Variants in GRIK4 observed in about 807,000 individuals in gnomAD.
GRIK4 encodes glutamate ionotropic receptor kainate type subunit 4.
GRIK4 carries 40 observed loss-of-function variants against 104.9 expected under a neutral mutation model. That is an observed-to-expected ratio of 0.38 (90% CI 0.30 to 0.50). The LOEUF is 0.50. Among genes scored for constraint, GRIK4 ranks in the 20% least tolerant of loss-of-function variants. GRIK4 has a pLI of 0.93. For synonymous variants in GRIK4, 485 were observed against 524.9 expected (o/e 0.92, Z 1.04); for missense variants, 1,047 against 1,308.1 (o/e 0.80, Z 3.08).
Position 120,642,056 on chromosome 11 carries a change from C to T in GRIK4, c.-158-11629C>T, listed in dbSNP as rs541464487. Among the ~76,000 whole-genome samples, 3 of 152,322 alleles carry T rather than the reference C, an allele frequency of 2.0e-5. No individual in the cohort carries two copies. In the South Asian group the frequency reaches 6.2e-4, roughly 32 times the overall value. On this transcript the variant is annotated intron_variant, in intron 1 of 20. Transcript: ENST00000527524. ...ACATCCTCTGTGATCACACTGTCCA[C>T]TTTGTATTGGGATTTGATGGCTACC...
chr11:120,525,589 C>G (rs1041350964), intron 1 of GRIK4, among the ~76,000 whole-genome samples: 2 of 152,202 alleles, frequency 1.3e-5, no homozygotes, highest in Non-Finnish European at 2.9e-5. Flanking sequence ...AGCAGGCAGT[C>G]AACACACACT....
intron 1 of GRIK4, among the ~76,000 whole-genome samples, chr11:120,552,679 G>A (rs117150533): frequency 2.0e-5 from 3 of 152,218 alleles, no homozygotes; most frequent in East Asian, 3.9e-4. Context: ...GGTTTAGCTC[G>A]ACTTGGGATT....
chr11:120,596,839 C>G (rs1013837280), intron 1 of GRIK4, among the ~76,000 whole-genome samples: 12 of 152,090 alleles, frequency 7.9e-5, no homozygotes, highest in African/African-American at 2.7e-4. Context: ...ATTCTCCTGC[C>G]TCAGCCTGCC....
intron 3 of GRIK4, among the ~76,000 whole-genome samples, chr11:120,756,268 C>T (rs1227203950): frequency 6.6e-6 from 1 of 152,188 alleles, no homozygotes; most frequent in East Asian, 1.9e-4. Context: ...ATGCTCCTCC[C>T]CCTCCAGCAA....
intron 4 of GRIK4, among the ~76,000 whole-genome samples, chr11:120,811,665 C>G (rs1435344877): frequency 6.6e-6 from 1 of 152,190 alleles, no homozygotes; most frequent in East Asian, 1.9e-4. Context: ...TTAGTTGTAG[C>G]CTTCATATAG....
At chr11:120,622,089 C>T (rs533245143) in intron 1 of GRIK4, among the ~76,000 whole-genome samples, 90 of 152,142 alleles carry the variant, frequency 5.9e-4, no homozygotes, top group Non-Finnish European at 9.3e-4. Context: ...TTAGTAGAGA[C>T]GGAGTTTTGC....
rs371619889 is a variant in GRIK4, at chr11:120,669,873, T to C, written c.82+9473T>C. On this transcript the variant is annotated intron_variant, in intron 3 of 20. Transcript: ENST00000527524. Reference sequence around the variant, plus strand: ...AAGCATCAATATGCTTATGACTCTCTAATCTCATCTGTAGCTCTGACCCCT... The same window carrying C: ...AAGCATCAATATGCTTATGACTCTCCAATCTCATCTGTAGCTCTGACCCCT... Among the ~76,000 whole-genome samples, 202 of 152,368 alleles carry C rather than the reference T, an allele frequency of 1.3e-3. 1 individual carries two copies. The highest frequency in any genetic ancestry group is 4.7e-3 in the African/African-American group (196 of 41,590).
intron 1 of GRIK4, among the ~76,000 whole-genome samples, chr11:120,585,431 C>T (rs1477897906): frequency 6.6e-6 from 1 of 151,740 alleles, no homozygotes; most frequent in Non-Finnish European, 1.5e-5. Flanking sequence ...CTCACTGCAA[C>T]CTCTGCCTCC....
chr11:120,628,804 T>C (rs984431312), intron 1 of GRIK4, among the ~76,000 whole-genome samples: 1 of 152,224 alleles, frequency 6.6e-6, no homozygotes, highest in Admixed American at 6.5e-5. Context: ...TTCTCTGTTT[T>C]TTCTTATACC....
In GRIK4 at chr11:120,750,452, C is replaced by T. The variant is rs147074017; in HGVS notation, c.83-52241C>T. On this transcript the variant is annotated intron_variant, in intron 3 of 20. Coordinates refer to ENST00000527524, the MANE Select transcript of GRIK4 (RefSeq NM_014619.5). ...TGTGATCTGAGGTCACTGCAGCCTCCGCCTCCCGGATTCAAGTGATTCTCC... is the reference window on the plus strand; with the variant it reads ...TGTGATCTGAGGTCACTGCAGCCTCTGCCTCCCGGATTCAAGTGATTCTCC... Among the ~76,000 whole-genome samples, 913 of 150,680 alleles carry T rather than the reference C, an allele frequency of 6.1e-3. 14 individuals carry two copies. The highest frequency in any genetic ancestry group is 0.021 in the African/African-American group (864 of 40,986).
At position 120,987,883 on chromosome 11, in the gene GRIK4, T is replaced by C. The variant is rs546141647; in HGVS notation, c.*1623T>C. On this transcript the variant is annotated 3_prime_UTR_variant, in exon 21 of 21. Coordinates refer to ENST00000527524, the MANE Select transcript of GRIK4 (RefSeq NM_014619.5). ...TTCTATGCAATTTCTGATTGTAAAC[T>C]TAGAAAATTCAGAGAGAAACAAACA... 8.1e-6 allele frequency: 1 copy of C among 123,396 alleles called. No individual in the cohort carries two copies. Among genetic ancestry groups the C allele is most frequent in the Admixed American group, 9.2e-5 (1 of 10,920 alleles). The allele number at this position is 123,396 out of a possible 1,614,324, so 7.6% of individuals were successfully genotyped here.
chr11:120,717,582 C>G (rs746896841), intron 3 of GRIK4, among the ~76,000 whole-genome samples: 24 of 151,994 alleles, frequency 1.6e-4, no homozygotes, highest in Non-Finnish European at 3.1e-4. Context: ...GATGGGAGAA[C>G]TTGATTTGTG....
At chr11:120,725,459 G>A (rs1235600497) in intron 3 of GRIK4, among the ~76,000 whole-genome samples, 1 of 152,118 alleles carries the variant, frequency 6.6e-6, no homozygotes, top group Admixed American at 6.5e-5. Context: ...CCAAGGAGAT[G>A]GTAGATCAGT....
chr11:120,575,105 C>T (rs1340513905), intron 1 of GRIK4, among the ~76,000 whole-genome samples: 1 of 152,188 alleles, frequency 6.6e-6, no homozygotes, highest in Admixed American at 6.5e-5. Flanking sequence ...CTTCTCAGCT[C>T]CAGAGGACCC....
At chr11:120,780,240 G>C (rs1382968209) in intron 3 of GRIK4, among the ~76,000 whole-genome samples, 2 of 152,190 alleles carry the variant, frequency 1.3e-5, no homozygotes, top group Non-Finnish European at 2.9e-5. Context: ...TCACATTGCT[G>C]TACAACCATC....
intron 7 of GRIK4, among the ~76,000 whole-genome samples, chr11:120,835,657 A>G (rs1953556942): frequency 6.6e-6 from 1 of 152,210 alleles, no homozygotes; most frequent in African/African-American, 2.4e-5. Flanking sequence ...CTCAATAGTC[A>G]TGACAAAACG....
At chr11:120,613,140 G>C (rs143859211) in intron 1 of GRIK4, among the ~76,000 whole-genome samples, 7 of 152,318 alleles carry the variant, frequency 4.6e-5, no homozygotes, top group Middle Eastern at 3.4e-3. Flanking sequence ...GACTCAGAGA[G>C]CTCGGGTTCT....
At chr11:120,598,732 C>T (rs1948839901) in intron 1 of GRIK4, among the ~76,000 whole-genome samples, 1 of 152,250 alleles carries the variant, frequency 6.6e-6, no homozygotes, top group African/African-American at 2.4e-5. Flanking sequence ...CTCTTCCTCA[C>T]ACATTCTCCA....
intron 3 of GRIK4, among the ~76,000 whole-genome samples, chr11:120,719,898 A>T (rs1950899444): frequency 6.6e-6 from 1 of 152,134 alleles, no homozygotes; most frequent in Non-Finnish European, 1.5e-5. Context: ...TATCCATTTG[A>T]CAGAGAAGCC....
Sources: allele counts gnomAD v4.1 joint callset (sites outside exome capture counted in the v4.1 genomes callset), GRCh38; gene constraint gnomAD v4.1.1; transcripts MANE v1.5; gene names NCBI Gene and HGNC (gene_info 2026-07-23, HGNC 2026-07-21).